Variants in CCNG1 observed in about 807,000 individuals in gnomAD.
CCNG1 encodes cyclin-G1.
A neutral mutation model predicts 30.0 loss-of-function variants in CCNG1; 13 were observed. That is an observed-to-expected ratio of 0.43 (90% CI 0.28 to 0.69). The LOEUF (loss-of-function observed/expected upper bound fraction) is 0.69. CCNG1 is among the 30% of genes least tolerant of loss of function. The pLI, the probability that CCNG1 is intolerant of heterozygous loss-of-function variation, is 0.16. For synonymous variants in CCNG1, 110 were observed against 121.5 expected, an observed-to-expected ratio of 0.91 and a Z score of 0.62; for missense variants, 285 against 331.4, an observed-to-expected ratio of 0.86 and a Z score of 1.09.
the CCNG1 span, chr5:163,451,153 A>G: frequency 6.6e-6 from 1 of 152,328 alleles, no homozygotes; most frequent in South Asian, 2.1e-4. Flanking sequence ...AAGCTAAACT[A>G]TACAAGGTTT....
chr5:163,454,411 A>G, the CCNG1 span, among the ~76,000 whole-genome samples: 1 of 152,100 alleles, frequency 6.6e-6, no homozygotes, highest in Non-Finnish European at 1.5e-5. Context: ...GTGCGACCTC[A>G]GCTCACCATA....
In CCNG1 at chr5:163,439,537, A is replaced by G. The variant is rs781393267; in HGVS notation, c.264+17A>G. The G allele has an allele frequency of 3.1e-6, 5 of 1,598,504 alleles. No homozygotes were observed. The highest frequency in any genetic ancestry group is 1.7e-4 in the Middle Eastern group (1 of 5,972). On this transcript the variant is annotated intron_variant, in intron 2 of 6. Transcript: ENST00000340828. ...AAAATGAAGGTATGTTTGAAGCTAC[A>G]TTTTTGTAATTTTGCTCAGTGTGTT...
chr5:163,445,493 A>T (rs1758018233), downstream of CCNG1, among the ~76,000 whole-genome samples: 1 of 152,088 alleles, frequency 6.6e-6, no homozygotes, highest in African/African-American at 2.4e-5. Context: ...CACTCTTGTC[A>T]CCCAGGCTGG....
At chr5:163,445,500 CTG>C (rs1400559400), downstream of CCNG1, among the ~76,000 whole-genome samples, 3 of 152,240 alleles carry the variant, frequency 2.0e-5, no homozygotes, top group South Asian at 4.1e-4. Context: ...GTCACCCAGG[CTG>C]GAGTGCAGTG....
chr5:163,442,115 G>T lies in CCNG1; in HGVS notation c.668G>T (p.Gly223Val), dbSNP rs191947608. 6.2e-7 allele frequency: 1 copy of T among 1,610,170 alleles called. No homozygotes were observed. Among genetic ancestry groups the T allele is most frequent in the East Asian group, 2.2e-5 (1 of 44,750 alleles). ...CAGAAGTGTGTAGAGTTAACAGAAG[G>T]AATAGAATGTCTTCAGAAACATTCC... ...QAQKCVELTEGIECLQKHSKI... is the reference protein window; with the variant it reads ...QAQKCVELTEVIECLQKHSKI... Residue 223 changes from glycine to valine, a missense_variant, in exon 5 of 7, where the codon GGA becomes GTA. Physicochemically the swap from Gly to Val is moderately radical, Grantham distance 109 (BLOSUM62 -3). Coordinates refer to ENST00000340828, the MANE Select transcript of CCNG1 (RefSeq NM_004060.4).
chr5:163,442,337 T>G (rs1274157492), intron 5 of CCNG1, 37 bp from the exon 6 acceptor site: 2 of 1,484,188 alleles, frequency 1.3e-6, no homozygotes, highest in African/African-American at 2.8e-5. Flanking sequence ...TGGGACTTAC[T>G]TGGAGTAATA....
In CCNG1 at chr5:163,441,350, G is replaced by T; in HGVS notation, c.518+19G>T. ...TTGAAAGGTAAGTGACCTTTGTTTT[G>T]AACAAGAGACATTTGGAAATCAGAA... is the stretch of plus-strand genomic sequence containing the variant. On this transcript the variant is annotated intron_variant, in intron 3 of 6. Transcript: ENST00000340828. 1 of 1,604,954 alleles carries T rather than the reference G, an allele frequency of 6.2e-7. No homozygotes were observed. Among genetic ancestry groups the T allele is most frequent in the Non-Finnish European group, 8.5e-7 (1 of 1,175,270 alleles).
rs368002039 is a variant in CCNG1, at chr5:163,438,398, C to A, written c.-1+594C>A. On this transcript the variant is annotated intron_variant, in intron 1 of 6. Coordinates refer to ENST00000340828, the MANE Select transcript of CCNG1 (RefSeq NM_004060.4). ...TCACATTCAGCGACAGATATTGTTA[C>A]CCTCATTTTATAAATCTAGAAAGAA... Among the ~76,000 whole-genome samples the A allele has an allele frequency of 1.1e-4, 16 of 152,218 alleles. No individual in the cohort carries two copies. In the South Asian group the frequency reaches 3.1e-3, roughly 30 times the overall value.
chr5:163,439,809 G>A (rs1757714537), intron 2 of CCNG1, among the ~76,000 whole-genome samples: 1 of 152,040 alleles, frequency 6.6e-6, no homozygotes, highest in Non-Finnish European at 1.5e-5. Context: ...GGTTGGATTT[G>A]TCCATTTATT....
the CCNG1 span, chr5:163,451,402 A>C: frequency 1.3e-5 from 2 of 152,176 alleles, no homozygotes; most frequent in African/African-American, 4.8e-5. Context: ...GGGTGTGTAG[A>C]GTACAAAGAG....
the CCNG1 span, among the ~76,000 whole-genome samples, chr5:163,455,546 G>C: frequency 1.3e-5 from 2 of 152,122 alleles, no homozygotes; most frequent in Non-Finnish European, 2.9e-5. Context: ...GGCGGATCAC[G>C]AGGTCAAGAG....
chr5:163,453,469 A>C, the CCNG1 span: 3 of 152,504 alleles, frequency 2.0e-5, no homozygotes, highest in Non-Finnish European at 4.4e-5. Context: ...ATTTACATTA[A>C]CTCTTAATTT....
At chr5:163,448,797 T>G (rs1758105578), downstream of CCNG1, 1 of 152,134 alleles carries the variant, frequency 6.6e-6, no homozygotes, top group Non-Finnish European at 1.5e-5. Context: ...TGGGAGGAAA[T>G]ATAAGCTGTT....
At position 163,443,761 on chromosome 5, in the gene CCNG1, A is replaced by T. The variant is rs1757946554; in HGVS notation, c.*91A>T. Reference sequence around the variant, plus strand: ...CATAATGTTACAATGGATTTAAGCTATGAAGCCTCAAAACATCACGAGATA... The same window carrying T: ...CATAATGTTACAATGGATTTAAGCTTTGAAGCCTCAAAACATCACGAGATA... On this transcript the variant is annotated 3_prime_UTR_variant, in exon 7 of 7. Coordinates refer to ENST00000340828, the MANE Select transcript of CCNG1 (RefSeq NM_004060.4). 6.9e-7 allele frequency: 1 copy of T among 1,448,948 alleles called. No individual in the cohort carries two copies. The highest frequency in any genetic ancestry group is 2.0e-5 in the Admixed American group (1 of 49,082). 89.8% of individuals were successfully genotyped at this position (1,448,948 alleles called of 1,614,324 possible).
At chr5:163,452,132 A>C in the CCNG1 span, 5 of 152,150 alleles carry the variant, frequency 3.3e-5, no homozygotes, top group Non-Finnish European at 7.4e-5. Flanking sequence ...AATGTGGAGA[A>C]GGAAAAAATG....
chr5:163,442,619 A>T, intron 6 of CCNG1, 51 bp downstream of exon 6: 1 of 1,390,568 alleles, frequency 7.2e-7, no homozygotes, highest in Non-Finnish European at 9.9e-7. Context: ...TTCCAATGCC[A>T]TAATTTTCAA....
the CCNG1 span, chr5:163,457,215 T>C: frequency 1.1e-6 from 1 of 897,322 alleles, no homozygotes; most frequent in Non-Finnish European, 1.6e-6. Flanking sequence ...CACTGAAACC[T>C]CCGCCCCCCG....
At chr5:163,445,431 A>G (rs1256821503), downstream of CCNG1, among the ~76,000 whole-genome samples, 1 of 152,214 alleles carries the variant, frequency 6.6e-6, no homozygotes, top group East Asian at 1.9e-4. Context: ...ATCCCTATTA[A>G]TAGTATGACT....
At chr5:163,448,695 CA>C (rs1266318057), downstream of CCNG1, 1 of 151,938 alleles carries the variant, frequency 6.6e-6, no homozygotes, top group Non-Finnish European at 1.5e-5. Flanking sequence ...AACAATTGCA[CA>C]ATATCCAAAA....
Sources: allele counts gnomAD v4.1 joint callset (sites outside exome capture counted in the v4.1 genomes callset), GRCh38; gene constraint gnomAD v4.1.1; transcripts MANE v1.5; gene names NCBI Gene and HGNC (gene_info 2026-07-23, HGNC 2026-07-21).